SCP2: variants seen among roughly 807,000 people sequenced by gnomAD.
SCP2 encodes the protein sterol carrier protein 2.
A neutral mutation model predicts 71.4 loss-of-function variants in SCP2; 48 were observed. The observed-to-expected ratio is 0.67, with a 90% CI of 0.53 to 0.86. SCP2 has a LOEUF of 0.86. Among genes scored for constraint, SCP2 ranks in the 40% least tolerant of loss-of-function variants. SCP2 has a pLI of 0.00. For missense variants in SCP2, 560 were observed against 655.6 expected (o/e 0.85, Z 1.59); for synonymous variants, 220 against 218.1 (o/e 1.01, Z -0.08).
At chr1:53,045,649 A>G (rs6421491) in intron 14 of SCP2, among the ~76,000 whole-genome samples, 32,003 of 152,116 alleles carry the variant, frequency 0.21, 5,886 homozygotes, top group African/African-American at 0.49. Context: ...TAGTTCCTCC[A>G]CATTTTTGAC....
chr1:52,960,078 G>A (rs542197230), intron 5 of SCP2, among the ~76,000 whole-genome samples: 2 of 151,622 alleles, frequency 1.3e-5, no homozygotes, highest in Non-Finnish European at 2.9e-5. Context: ...TTTTAGTAGC[G>A]ACGGGGTTTC....
intron 1 of SCP2, among the ~76,000 whole-genome samples, chr1:52,936,472 A>G (rs980459879): frequency 1.3e-5 from 2 of 152,240 alleles, no homozygotes; most frequent in African/African-American, 4.8e-5. Context: ...AGAATGTACA[A>G]TCAAATTTTG....
chr1:52,977,243 T>C (rs2150168082), intron 8 of SCP2, among the ~76,000 whole-genome samples: 1 of 152,326 alleles, frequency 6.6e-6, no homozygotes, highest in Middle Eastern at 3.4e-3. Flanking sequence ...GAGTACTGCT[T>C]AGCTCCTGCC....
At chr1:53,037,966 C>CACACACAGATCCAGATCCTGTCTCTAT (rs1663130563) in intron 13 of SCP2, among the ~76,000 whole-genome samples, 7 of 116,268 alleles carry the variant, frequency 6.0e-5, no homozygotes, top group East Asian at 2.4e-4. Context: ...CACACACACA[C>CACACACAGATCCAGATCCTGTCTCTAT]ACACACACAC....
At position 53,047,898 on chromosome 1, in the gene SCP2, C is replaced by G. The variant is rs759561984; in HGVS notation, c.1509C>G (p.Asp503Glu). 1.2e-6 allele frequency: 2 copies of G among 1,613,476 alleles called. No individual in the cohort carries two copies. The highest frequency in any genetic ancestry group is 1.7e-6 in the Non-Finnish European group (2 of 1,179,488). The change falls in exon 15 of 16, where the codon GAC (aspartate) becomes GAG (glutamate). Residue 503 changes from aspartate (D) to glutamate (E), a missense_variant. This residue lies in a region of SCP2 where 43 missense variants were observed against 65.9 expected (regional missense o/e 0.65). Coordinates refer to ENST00000371514, the MANE Select transcript of SCP2 (RefSeq NM_002979.5). Reference protein sequence around the residue: ...ADCTITMADSDFLALMTGKMN... With the variant: ...ADCTITMADSEFLALMTGKMN... ...GCACAATCACAATGGCTGACTCAGA[C>G]TTCCTGGCTTTAATGACTGGTAAAA...
intron 6 of SCP2, among the ~76,000 whole-genome samples, chr1:52,962,192 A>G (rs1656528528): frequency 1.3e-5 from 2 of 152,320 alleles, no homozygotes; most frequent in South Asian, 4.1e-4. Context: ...GTGAGCCACC[A>G]TGACTGGCCA....
intron 1 of SCP2, among the ~76,000 whole-genome samples, chr1:52,934,639 G>A (rs748408197): frequency 2.6e-5 from 2 of 75,808 alleles, no homozygotes; most frequent in Non-Finnish European, 4.8e-5. Context: ...TTGAGACGGA[G>A]TCTCTCTCTG....
Position 52,993,707 on chromosome 1 carries a change from C to A in SCP2, c.1081+5571C>A, listed in dbSNP as rs951628873. 3.1e-6 allele frequency: 5 copies of A among 1,611,460 alleles called. No individual in the cohort carries two copies. The African/African-American group carries it at 5.3e-5, about 17-fold the overall frequency. ...ATAATCCGTTACAAAATAGGACTCCCAACTTAGGAAACAAAACATTTGTAA... is the reference window on the plus strand; with the variant it reads ...ATAATCCGTTACAAAATAGGACTCCAAACTTAGGAAACAAAACATTTGTAA... On this transcript the variant is annotated intron_variant, in intron 11 of 15. Coordinates refer to ENST00000371514, the MANE Select transcript of SCP2 (RefSeq NM_002979.5).
At chr1:52,970,429 C>T (rs2150156385) in intron 6 of SCP2, among the ~76,000 whole-genome samples, 1 of 152,312 alleles carries the variant, frequency 6.6e-6, no homozygotes, top group South Asian at 2.1e-4. Flanking sequence ...TTCTCCTTCA[C>T]CGCTCAATTG....
In SCP2 at chr1:52,974,888, A is replaced by G. The variant is rs528809929; in HGVS notation, c.587+56A>G. 7 of 831,464 alleles carry G rather than the reference A, an allele frequency of 8.4e-6. No homozygotes were observed. In the African/African-American group the frequency reaches 1.0e-4, roughly 12 times the overall value. 51.5% of individuals were successfully genotyped at this position (831,464 alleles called of 1,614,324 possible). The stretch of plus-strand genomic sequence containing the variant: ...AATCTGGGTTATCCTACTGTATAAT[A>G]TGCAACTTTATACTTGAAAAGCAAA... On this transcript the variant is annotated intron_variant, in intron 7 of 15. Transcript: ENST00000371514.
intron 12 of SCP2, among the ~76,000 whole-genome samples, chr1:53,016,876 G>A (rs184424596): frequency 6.6e-6 from 1 of 152,300 alleles, no homozygotes; most frequent in Non-Finnish European, 1.5e-5. Context: ...ACATTACTTT[G>A]AGCTGGTGGT....
At chr1:52,978,810 C>T (rs570460928) in intron 9 of SCP2, among the ~76,000 whole-genome samples, 53 of 152,272 alleles carry the variant, frequency 3.5e-4, no homozygotes, top group African/African-American at 1.3e-3. Context: ...GATCCACCTG[C>T]CTCAGCCTTC....
intron 11 of SCP2, chr1:52,995,771 T>C (rs17131748): frequency 0.21 from 167,228 of 789,870 alleles, 29,273 homozygotes; most frequent in African/African-American, 0.72. Context: ...ACCTCATGGC[T>C]TCAAGATGGC....
intron 2 of SCP2, 72 bp downstream of exon 2, chr1:52,941,925 G>A: frequency 8.8e-7 from 1 of 1,133,754 alleles, no homozygotes; most frequent in East Asian, 2.4e-5. Flanking sequence ...CATGGATGGG[G>A]CAGCCTTGCA....
chr1:52,998,251 G>T (rs1487401343), intron 11 of SCP2, among the ~76,000 whole-genome samples: 1 of 152,052 alleles, frequency 6.6e-6, no homozygotes, highest in Non-Finnish European at 1.5e-5. Flanking sequence ...TTTATCTTGG[G>T]TTGATAACCT....
At chr1:53,020,758 G>A (rs1661659646) in intron 12 of SCP2, among the ~76,000 whole-genome samples, 2 of 152,080 alleles carry the variant, frequency 1.3e-5, no homozygotes, top group Admixed American at 1.3e-4. Flanking sequence ...CCTCTATGAG[G>A]TTTCTTTGTT....
chr1:52,959,498 T>C (rs1258260633), intron 5 of SCP2, among the ~76,000 whole-genome samples: 1 of 152,102 alleles, frequency 6.6e-6, no homozygotes, highest in Admixed American at 6.6e-5. Flanking sequence ...AGCCCTAAAA[T>C]ATTTTTAATT....
At chr1:53,047,400 G>C (rs1663888921) in intron 14 of SCP2, among the ~76,000 whole-genome samples, 1 of 152,234 alleles carries the variant, frequency 6.6e-6, no homozygotes, top group Non-Finnish European at 1.5e-5. Flanking sequence ...GGTCACCTTA[G>C]AGTCTGTCAC....
intron 11 of SCP2, among the ~76,000 whole-genome samples, chr1:52,999,072 A>C (rs1660135328): frequency 6.6e-6 from 1 of 150,962 alleles, no homozygotes; most frequent in East Asian, 2.0e-4. Context: ...TATTATGTCT[A>C]GTGATGGTAT....
Sources: allele counts gnomAD v4.1 joint callset (sites outside exome capture counted in the v4.1 genomes callset), GRCh38; gene constraint gnomAD v4.1.1; regional missense constraint gnomAD v4.1.1; transcripts MANE v1.5; gene names NCBI Gene and HGNC (gene_info 2026-07-23, HGNC 2026-07-21).